MCPH1: variants seen among roughly 807,000 people sequenced by gnomAD.
The protein encoded by MCPH1 is microcephalin 1.
In MCPH1, 104 loss-of-function variants were observed where a neutral mutation model predicts 84.5. The observed-to-expected ratio is 1.23, with a 90% confidence interval of 1.05 to 1.45. The LOEUF is 1.45. Among genes scored for constraint, MCPH1 ranks in the 40% most tolerant of loss-of-function variants. The pLI is 0.00. For missense variants in MCPH1, 1,498 were observed against 1,005.7 expected, an observed-to-expected ratio of 1.49 and a Z score of -6.62; for synonymous variants, 514 against 366.8, an observed-to-expected ratio of 1.40 and a Z score of -4.58.
intron 12 of MCPH1, among the ~76,000 whole-genome samples, chr8:6,517,024 G>A (rs879323054): frequency 1.3e-5 from 2 of 152,142 alleles, no homozygotes; most frequent in Non-Finnish European, 2.9e-5. Flanking sequence ...AAGAACAGAG[G>A]ATTTGTAAAA....
intron 12 of MCPH1, among the ~76,000 whole-genome samples, chr8:6,549,711 G>A (rs1221341143): frequency 2.0e-5 from 3 of 151,668 alleles, no homozygotes; most frequent in African/African-American, 7.3e-5. Context: ...TCATTACACA[G>A]GTGCGCACAG....
intron 13 of MCPH1, among the ~76,000 whole-genome samples, chr8:6,637,671 T>G (rs758811933): frequency 1.3e-5 from 2 of 152,206 alleles, no homozygotes; most frequent in Non-Finnish European, 2.9e-5. Context: ...TATTTTTGTT[T>G]TAATGGATAC....
chr8:6,504,317 C>CAAAAAAAA (rs35379672), intron 12 of MCPH1, among the ~76,000 whole-genome samples: 1 of 85,910 alleles, frequency 1.2e-5, no homozygotes. Context: ...GACTCCAGCT[C>CAAAAAAAA]AAAAAAAAAA....
chr8:6,605,554 C>T (rs532822560), intron 12 of MCPH1, among the ~76,000 whole-genome samples: 1 of 152,322 alleles, frequency 6.6e-6, no homozygotes, highest in Admixed American at 6.5e-5. Flanking sequence ...CAATACTGTG[C>T]TTTGAGTAGC....
At chr8:6,594,276 C>T (rs554902759) in intron 12 of MCPH1, among the ~76,000 whole-genome samples, 2 of 152,312 alleles carry the variant, frequency 1.3e-5, no homozygotes, top group South Asian at 4.1e-4. Flanking sequence ...GAATGTTCAG[C>T]AGAGCGCCAT....
chr8:6,572,748 G>A (rs2442552), intron 12 of MCPH1, among the ~76,000 whole-genome samples: 149,863 of 152,320 alleles, frequency 0.98, 73,775 homozygotes, highest in Middle Eastern at 1. Flanking sequence ...TAGAGACCCA[G>A]TCCTGTTCAC....
intron 12 of MCPH1, among the ~76,000 whole-genome samples, chr8:6,520,953 TC>T (rs1394592706): frequency 2.0e-5 from 3 of 152,222 alleles, no homozygotes; most frequent in Non-Finnish European, 4.4e-5. Flanking sequence ...AAAAGTAGGC[TC>T]TTTACTGCCA....
chr8:6,582,701 T>G (rs553788905), intron 12 of MCPH1, among the ~76,000 whole-genome samples: 3 of 152,350 alleles, frequency 2.0e-5, no homozygotes, highest in African/African-American at 4.8e-5. Flanking sequence ...AACCACTGTC[T>G]GGAATCCTTC....
In MCPH1 at chr8:6,435,318, TGC is replaced by T. The variant is rs555743866; in HGVS notation, c.322-729_322-728del. ...CCAACCCACATAGAGTCCAAGATCA[TGC>T]CACTTGTTTTGAGAAAAGAAAGGCT... On this transcript the variant is annotated intron_variant, in intron 4 of 13. Coordinates refer to ENST00000344683, the MANE Select transcript of MCPH1 (RefSeq NM_024596.5). Among the ~76,000 whole-genome samples, 298 of 152,314 alleles carry T rather than the reference TGC, an allele frequency of 2.0e-3. 2 individuals are homozygous for T. Among genetic ancestry groups the T allele is most frequent in the African/African-American group, 6.6e-3 (274 of 41,558 alleles).
At chr8:6,557,821 T>C (rs184147223) in intron 12 of MCPH1, among the ~76,000 whole-genome samples, 9 of 152,282 alleles carry the variant, frequency 5.9e-5, no homozygotes, top group Non-Finnish European at 1.2e-4. Context: ...AGTCTGTCCG[T>C]GTTCATGATT....
intron 12 of MCPH1, among the ~76,000 whole-genome samples, chr8:6,609,037 C>G (rs904814168): frequency 6.6e-6 from 1 of 152,202 alleles, no homozygotes; most frequent in Non-Finnish European, 1.5e-5. Context: ...CCCAAATTCT[C>G]GCCTAAAACC....
At chr8:6,455,299 C>A in intron 9 of MCPH1, 47 bp downstream of exon 9, 1 of 1,275,816 alleles carries the variant, frequency 7.8e-7, no homozygotes, top group Non-Finnish European at 1.1e-6. Flanking sequence ...GCTGATACAT[C>A]ATAATGTTCT....
chr8:6,632,703 G>C (rs1161165802), intron 13 of MCPH1, among the ~76,000 whole-genome samples: 1 of 152,120 alleles, frequency 6.6e-6, no homozygotes, highest in Non-Finnish European at 1.5e-5. Context: ...CAGCTACTCG[G>C]GAGGCTGAGG....
chr8:6,507,626 G>GAGTGC (rs959718946), intron 12 of MCPH1: 2 of 144,850 alleles, frequency 1.4e-5, no homozygotes, highest in Admixed American at 1.4e-4. Flanking sequence ...CCCCAGGCTG[G>GAGTGC]AGTGCAGTGG....
At chr8:6,527,938 CG>C (rs1293086418) in intron 12 of MCPH1, among the ~76,000 whole-genome samples, 3 of 147,394 alleles carry the variant, frequency 2.0e-5, no homozygotes, top group African/African-American at 7.4e-5. Flanking sequence ...CTCCATTGCC[CG>C]GGGTGGAGTG....
chr8:6,486,986 C>G (rs954245729), intron 11 of MCPH1, among the ~76,000 whole-genome samples: 3 of 152,168 alleles, frequency 2.0e-5, no homozygotes, highest in South Asian at 2.1e-4. Context: ...AACATACAAG[C>G]AGAGTGTCCT....
Position 6,436,138 on chromosome 8 carries a change from C to CT in MCPH1, c.413dup (p.Gln139ThrfsTer9). ...GAAATTTGAGAAAATGGCTAAAGAG[C>CT]TACAAAGGCAAAAAACAAATCTAGG... On this transcript the variant is annotated frameshift_variant, in exon 5 of 14. Transcript: ENST00000344683. LOFTEE classifies it high-confidence loss of function. 1 of 1,613,460 alleles carries CT rather than the reference C, an allele frequency of 6.2e-7. No homozygotes were observed. Among genetic ancestry groups the CT allele is most frequent in the Non-Finnish European group, 8.5e-7 (1 of 1,179,730 alleles).
At chr8:6,502,909 T>C (rs1812472255) in intron 12 of MCPH1, 2 of 607,798 alleles carry the variant, frequency 3.3e-6, no homozygotes, top group Non-Finnish European at 5.7e-6. Flanking sequence ...GGGTCTTGCT[T>C]TGGTCCGTTA....
At chr8:6,435,419 G>T (rs1309843812) in intron 4 of MCPH1, among the ~76,000 whole-genome samples, 2 of 152,154 alleles carry the variant, frequency 1.3e-5, no homozygotes, top group African/African-American at 2.4e-5. Context: ...GGCTCAGGCA[G>T]TTTCATAGGC....
Sources: allele counts gnomAD v4.1 joint callset (sites outside exome capture counted in the v4.1 genomes callset), GRCh38; gene constraint gnomAD v4.1.1; transcripts MANE v1.5; gene names NCBI Gene and HGNC (gene_info 2026-07-23, HGNC 2026-07-21).